BCL2: variants seen among roughly 807,000 people sequenced by gnomAD.
BCL2 encodes BCL2 apoptosis regulator.
In BCL2, 1 loss-of-function variant was observed where a neutral mutation model predicts 14.2. The ratio of observed to expected loss-of-function variants is 0.07; its 90% confidence interval spans 0.02 to 0.33. The LOEUF (loss-of-function observed/expected upper bound fraction) is 0.33, where lower values mean the gene tolerates loss of function less well. Ranked by LOEUF, BCL2 falls within the 10% of genes least tolerant of loss-of-function variation. The pLI, the probability that BCL2 is intolerant of heterozygous loss-of-function variation, is 0.99. For synonymous variants in BCL2, 151 were observed against 137.2 expected (o/e 1.10, Z -0.70); for missense variants, 247 against 305.9 (o/e 0.81, Z 1.44).
chr18:63,166,471 C>G (rs1915047783), intron 2 of BCL2, among the ~76,000 whole-genome samples: 1 of 152,212 alleles, frequency 6.6e-6, no homozygotes, highest in Middle Eastern at 3.2e-3. Flanking sequence ...GGAGGACACC[C>G]TGCAGTTGAC....
chr18:63,257,118 C>T (rs752206939), intron 2 of BCL2, among the ~76,000 whole-genome samples: 1 of 151,932 alleles, frequency 6.6e-6, no homozygotes, highest in Non-Finnish European at 1.5e-5. Context: ...CCCATTCTGG[C>T]AAAATAAAAA....
At chr18:63,309,666 T>C (rs894018781) in intron 2 of BCL2, among the ~76,000 whole-genome samples, 2 of 152,096 alleles carry the variant, frequency 1.3e-5, no homozygotes, top group Non-Finnish European at 2.9e-5. Flanking sequence ...CATCCTGCCT[T>C]GTCTGAGAAC....
chr18:63,215,010 C>T (rs942330983), intron 2 of BCL2, among the ~76,000 whole-genome samples: 1 of 152,082 alleles, frequency 6.6e-6, no homozygotes, highest in Admixed American at 6.6e-5. Context: ...TGCCTGGCCT[C>T]CTAAGGCTCA....
At chr18:63,134,224 T>C (rs1409293677) in intron 2 of BCL2, among the ~76,000 whole-genome samples, 2 of 152,228 alleles carry the variant, frequency 1.3e-5, no homozygotes, top group African/African-American at 4.8e-5. Flanking sequence ...AATACAAACA[T>C]GTATATTACT....
intron 2 of BCL2, among the ~76,000 whole-genome samples, chr18:63,155,472 G>A (rs1042730767): frequency 3.9e-5 from 6 of 152,118 alleles, no homozygotes; most frequent in African/African-American, 1.4e-4. Context: ...AGCTTGGTGG[G>A]AAAAGGAGGG....
chr18:63,311,920 G>C (rs1383192370), intron 2 of BCL2, among the ~76,000 whole-genome samples: 5 of 152,326 alleles, frequency 3.3e-5, no homozygotes, highest in Non-Finnish European at 7.3e-5. Context: ...AGTTTAGTTA[G>C]TCAAACATTT....
intron 2 of BCL2, among the ~76,000 whole-genome samples, chr18:63,210,229 G>T (rs940682977): frequency 1.3e-5 from 2 of 152,184 alleles, no homozygotes; most frequent in African/African-American, 4.8e-5. Flanking sequence ...GGACTGTTCA[G>T]GTGGAGAACA....
intron 2 of BCL2, among the ~76,000 whole-genome samples, chr18:63,165,087 A>C (rs982815585): frequency 6.6e-6 from 1 of 152,158 alleles, no homozygotes; most frequent in Non-Finnish European, 1.5e-5. Flanking sequence ...ATAAATAAAT[A>C]AATAAAAATA....
In BCL2 at chr18:63,127,333, G is replaced by A. The variant is rs145009492; in HGVS notation, c.*1292C>T. ...GGCCGTGGCCATTGCCTCTCCTCAC[G>A]TTCCCAGCCTTCACCATGTCCTTCT... is the stretch of plus-strand genomic sequence containing the variant. On this transcript the variant is annotated 3_prime_UTR_variant, in exon 3 of 3. Coordinates refer to ENST00000333681, the MANE Select transcript of BCL2 (RefSeq NM_000633.3). 8.6e-6 allele frequency: 2 copies of A among 232,352 alleles called. No individual in the cohort carries two copies. Among genetic ancestry groups the A allele is most frequent in the Non-Finnish European group, 1.7e-5 (2 of 117,382 alleles). The allele number at this position is 232,352 out of a possible 1,614,324, so 14.4% of individuals were successfully genotyped here.
chr18:63,315,718 T>C (rs1409735877), intron 2 of BCL2: 1 of 152,198 alleles, frequency 6.6e-6, no homozygotes, highest in African/African-American at 2.4e-5. Context: ...GGTGTAAATG[T>C]GAAGAAAATC....
intron 2 of BCL2, among the ~76,000 whole-genome samples, chr18:63,164,797 T>C (rs973873413): frequency 3.3e-5 from 5 of 152,240 alleles, no homozygotes; most frequent in African/African-American, 1.2e-4. Context: ...ATTTAAGGCG[T>C]GAACGTCAGC....
intron 2 of BCL2, chr18:63,313,658 C>A (rs1044541607): frequency 3.9e-5 from 6 of 152,142 alleles, no homozygotes; most frequent in Non-Finnish European, 8.8e-5. Flanking sequence ...CAATGAGTGA[C>A]CTTAGAAAAG....
intron 2 of BCL2, among the ~76,000 whole-genome samples, chr18:63,152,893 T>A (rs1452165769): frequency 2.0e-5 from 3 of 152,232 alleles, no homozygotes; most frequent in African/African-American, 7.2e-5. Flanking sequence ...GACGTGAGTA[T>A]ACCCACATAA....
At chr18:63,210,037 C>A (rs1909957406) in intron 2 of BCL2, among the ~76,000 whole-genome samples, 1 of 152,144 alleles carries the variant, frequency 6.6e-6, no homozygotes, top group African/African-American at 2.4e-5. Flanking sequence ...TGGAGGGTGG[C>A]AGTAGGGACA....
intron 2 of BCL2, among the ~76,000 whole-genome samples, chr18:63,251,079 T>G (rs1295392644): frequency 1.3e-5 from 2 of 150,852 alleles, no homozygotes; most frequent in Admixed American, 1.3e-4. Flanking sequence ...ATAATGTAGG[T>G]GCACATGGGA....
intron 2 of BCL2, among the ~76,000 whole-genome samples, chr18:63,260,591 A>G (rs912108613): frequency 6.6e-6 from 1 of 152,200 alleles, no homozygotes; most frequent in Non-Finnish European, 1.5e-5. Flanking sequence ...CTTAATCCCT[A>G]GGAATAAACA....
intron 2 of BCL2, among the ~76,000 whole-genome samples, chr18:63,155,395 C>T (rs1363215207): frequency 6.6e-6 from 1 of 151,964 alleles, no homozygotes; most frequent in Non-Finnish European, 1.5e-5. Context: ...CGAGACAGGA[C>T]GTGATTGATG....
Position 63,318,151 on chromosome 18 carries a change from G to A in BCL2, c.516C>T (p.Asn172=), listed in dbSNP as rs2144321406. Residue 172 remains asparagine, a synonymous_variant, in exon 2 of 3, where the codon AAC becomes AAT. Transcript: ENST00000333681. The surrounding 1 kb of genome is among the most constrained non-coding windows in gnomAD (Gnocchi z 7.4). ...GGTACTCAGTCATCCACAGGGCGAT[G>A]TTGTCCACCAGGGGCGACATCTCCC... ...VNREMSPLVD[N]IALWMTEYLN... is the part of the protein sequence containing the mutation. 1 of 1,614,122 alleles carries A rather than the reference G, an allele frequency of 6.2e-7. No individual in the cohort carries two copies. The highest frequency in any genetic ancestry group is 8.5e-7 in the Non-Finnish European group (1 of 1,180,004).
intron 2 of BCL2, among the ~76,000 whole-genome samples, chr18:63,179,338 C>T (rs1003379432): frequency 3.9e-5 from 6 of 152,204 alleles, no homozygotes; most frequent in African/African-American, 1.4e-4. Context: ...GAGAAAGCTG[C>T]TCCGGTTGGC....
Sources: allele counts gnomAD v4.1 joint callset (sites outside exome capture counted in the v4.1 genomes callset), GRCh38; gene constraint gnomAD v4.1.1; non-coding constraint Gnocchi (gnomAD v3.1); transcripts MANE v1.5; gene names NCBI Gene and HGNC (gene_info 2026-07-23, HGNC 2026-07-21).